The following TSPAN9 variants were observed in gnomAD, a reference collection of about 807,000 sequenced individuals.
TSPAN9 encodes the protein tetraspanin 9, also known as tetraspanin-9.
A neutral mutation model predicts 31.0 loss-of-function variants in TSPAN9; 16 were observed. That is an observed-to-expected ratio of 0.52 (90% CI 0.35 to 0.78). The LOEUF is 0.78. Ranked by LOEUF, TSPAN9 falls within the 30% of genes least tolerant of loss-of-function variation. The pLI, the probability that TSPAN9 is intolerant of heterozygous loss-of-function variation, is 0.01. For synonymous variants in TSPAN9, 145 were observed against 121.6 expected (o/e 1.19, Z -1.27); for missense variants, 272 against 312.5 (o/e 0.87, Z 0.98).
chr12:3,142,426 G>A (rs1221912982), intron 2 of TSPAN9, among the ~76,000 whole-genome samples: 1 of 152,164 alleles, frequency 6.6e-6, no homozygotes, highest in African/African-American at 2.4e-5. Context: ...CCTGAGAAGG[G>A]CTGAAACCAT....
chr12:3,243,301 G>A (rs2098397583), intron 3 of TSPAN9, among the ~76,000 whole-genome samples: 1 of 152,114 alleles, frequency 6.6e-6, no homozygotes, highest in Non-Finnish European at 1.5e-5. Flanking sequence ...TGTTTCTCAT[G>A]GGCCGGGCAC....
chr12:3,208,138 C>T (rs560192488), intron 3 of TSPAN9, among the ~76,000 whole-genome samples: 41 of 152,304 alleles, frequency 2.7e-4, no homozygotes, highest in African/African-American at 8.2e-4. Flanking sequence ...GTCGCTCCTG[C>T]GGTGAGAGCG....
intron 2 of TSPAN9, among the ~76,000 whole-genome samples, chr12:3,120,004 G>A (rs1232377807): frequency 6.6e-6 from 1 of 152,196 alleles, no homozygotes; most frequent in African/African-American, 2.4e-5. Context: ...CAAGGAGTTC[G>A]TGCCAGATGA....
At chr12:3,138,978 C>T (rs1425916069) in intron 2 of TSPAN9, among the ~76,000 whole-genome samples, 2 of 152,208 alleles carry the variant, frequency 1.3e-5, no homozygotes, top group Non-Finnish European at 2.9e-5. Flanking sequence ...AGCTCAGAGC[C>T]CAGGGCTACA....
intron 2 of TSPAN9, among the ~76,000 whole-genome samples, chr12:3,166,803 T>G (rs1332738581): frequency 1.3e-5 from 2 of 152,062 alleles, no homozygotes; most frequent in Non-Finnish European, 2.9e-5. Context: ...TGTTTTTGTT[T>G]TTTTCTTCTT....
At chr12:3,100,610 T>A (rs1247004079) in intron 2 of TSPAN9, among the ~76,000 whole-genome samples, 1 of 152,200 alleles carries the variant, frequency 6.6e-6, no homozygotes, top group East Asian at 1.9e-4. Context: ...GGACGGTAAG[T>A]CCAGACCTTG....
At chr12:3,087,738 G>A (rs978947989) in intron 2 of TSPAN9, among the ~76,000 whole-genome samples, 28 of 152,064 alleles carry the variant, frequency 1.8e-4, no homozygotes, top group South Asian at 8.3e-4. Context: ...TCTGGGAGGC[G>A]GAGGTTGCAG....
intron 2 of TSPAN9, among the ~76,000 whole-genome samples, chr12:3,151,739 T>C (rs1024513693): frequency 1.3e-5 from 2 of 152,110 alleles, no homozygotes; most frequent in African/African-American, 4.8e-5. Flanking sequence ...CTCCCTTCCT[T>C]GCTCCCTCCA....
chr12:3,201,348 T>G, intron 3 of TSPAN9, 92 bp downstream of exon 3: 1 of 1,259,468 alleles, frequency 7.9e-7, no homozygotes, highest in Non-Finnish European at 1.2e-6. Context: ...TGTGCTGCAT[T>G]GCTCTGCTCT....
chr12:3,105,812 ACGCACACG>A lies in TSPAN9; in HGVS notation c.-18+22101_-18+22108del, dbSNP rs1404082172. Among the ~76,000 whole-genome samples the A allele has an allele frequency of 7.4e-5, 11 of 149,106 alleles. No homozygotes were observed. In the South Asian group the frequency reaches 1.9e-3, roughly 26 times the overall value. Reference sequence around the variant, plus strand: ...CACACTCACGCACACATGCGCACACACGCACACGCGCACACACACTTTCATACACACGC... The same window carrying A: ...CACACTCACGCACACATGCGCACACACGCACACACACTTTCATACACACGC... On this transcript the variant is annotated intron_variant, in intron 2 of 8. Transcript: ENST00000011898.
At chr12:3,228,029 A>G (rs60267089) in intron 3 of TSPAN9, among the ~76,000 whole-genome samples, 1 of 152,320 alleles carries the variant, frequency 6.6e-6, no homozygotes, top group East Asian at 1.9e-4. Context: ...TGTACCAGGC[A>G]CTATGCTAAA....
intron 3 of TSPAN9, among the ~76,000 whole-genome samples, chr12:3,204,727 G>A (rs749109272): frequency 5.9e-5 from 9 of 152,182 alleles, no homozygotes; most frequent in Non-Finnish European, 1.2e-4. Context: ...TAAAGACAAT[G>A]CTGGCTTCTA....
Position 3,197,696 on chromosome 12 carries a change from ACACCAGCACAGGTCAC to A in TSPAN9, c.-17-3452_-17-3437del, listed in dbSNP as rs1464836278. Among the ~76,000 whole-genome samples, 511 of 130,692 alleles carry A rather than the reference ACACCAGCACAGGTCAC, an allele frequency of 3.9e-3. 4 individuals carry two copies. Among genetic ancestry groups the A allele is most frequent in the Non-Finnish European group, 4.7e-3 (283 of 60,300 alleles). 85.7% of individuals were successfully genotyped at this position (130,692 alleles called of 152,430 possible). On this transcript the variant is annotated intron_variant, in intron 2 of 8. Transcript: ENST00000011898. ...GCACAGGTCACCACCAGCACAGGTC[ACACCAGCACAGGTCAC>A]CACCAGCACAGGTCACCACCAGCAC...
chr12:3,255,302 G>A (rs1045518082), intron 3 of TSPAN9, among the ~76,000 whole-genome samples: 3 of 152,218 alleles, frequency 2.0e-5, no homozygotes, highest in Admixed American at 6.5e-5. Flanking sequence ...TGGACCCTTC[G>A]CAGAGGTGGC....
intron 3 of TSPAN9, among the ~76,000 whole-genome samples, chr12:3,275,549 A>T (rs1352929476): frequency 6.6e-6 from 1 of 152,286 alleles, no homozygotes; most frequent in East Asian, 1.9e-4. Context: ...ATTGAAGAAA[A>T]GTCAGAGTGA....
At chr12:3,109,733 T>G (rs1003998785) in intron 2 of TSPAN9, among the ~76,000 whole-genome samples, 4 of 148,910 alleles carry the variant, frequency 2.7e-5, no homozygotes, top group Admixed American at 6.8e-5. Flanking sequence ...GGGAGGCGGA[T>G]GTTGCAGTCA....
At chr12:3,220,583 C>T (rs1403259756) in intron 3 of TSPAN9, among the ~76,000 whole-genome samples, 1 of 152,200 alleles carries the variant, frequency 6.6e-6, no homozygotes, top group Non-Finnish European at 1.5e-5. Flanking sequence ...GAGGTGGAGG[C>T]ATGGGAGAGG....
At chr12:3,230,839 T>C (rs2098390364) in intron 3 of TSPAN9, among the ~76,000 whole-genome samples, 1 of 152,154 alleles carries the variant, frequency 6.6e-6, no homozygotes, top group Admixed American at 6.5e-5. Context: ...GGCTCACCTG[T>C]CCTCGGCCCC....
chr12:3,176,532 T>C (rs2098355705), intron 2 of TSPAN9, among the ~76,000 whole-genome samples: 1 of 152,242 alleles, frequency 6.6e-6, no homozygotes, highest in South Asian at 2.1e-4. Context: ...GGACATTCCG[T>C]CCACATCTGT....
Sources: gnomAD v4.1 joint callset for allele counts (sites outside exome capture counted in the v4.1 genomes callset) on GRCh38, gnomAD v4.1.1 for gene constraint, MANE v1.5 for transcripts, NCBI Gene and HGNC (gene_info 2026-07-23, HGNC 2026-07-21) for gene names.